The following SENP7 variants were observed in gnomAD, a reference collection of about 807,000 sequenced individuals.
SENP7 encodes the protein SUMO specific peptidase 7, also known as sentrin-specific protease 7.
Under a neutral mutation model 141.2 loss-of-function variants are expected in SENP7, and 64 were observed. That is an observed-to-expected ratio of 0.45 (90% confidence interval 0.37 to 0.56). The LOEUF is 0.56. SENP7 is among the 20% of genes least tolerant of loss of function. SENP7 has a pLI of 0.00. For synonymous variants in SENP7, 382 were observed against 426.4 expected (o/e 0.90, Z 1.28); for missense variants, 1,025 against 1,212.2 (o/e 0.85, Z 2.29).
At chr3:101,352,047 G>T (rs1023557817) in intron 11 of SENP7, among the ~76,000 whole-genome samples, 1 of 151,884 alleles carries the variant, frequency 6.6e-6, no homozygotes, top group African/African-American at 2.4e-5. Context: ...AGCAGCTGAC[G>T]ATGATTCCCT....
intron 7 of SENP7, 51 bp from the exon 8 acceptor site, chr3:101,368,062 C>T: frequency 6.9e-7 from 1 of 1,449,930 alleles, no homozygotes; most frequent in Non-Finnish European, 9.4e-7. Flanking sequence ...TAGAGAGAAT[C>T]TCTTTTAGAA....
intron 11 of SENP7, among the ~76,000 whole-genome samples, chr3:101,356,882 C>T (rs1055135843): frequency 2.6e-5 from 4 of 152,160 alleles, no homozygotes; most frequent in African/African-American, 9.7e-5. Flanking sequence ...GGTACTACAA[C>T]CCCCTTTATA....
intron 1 of SENP7, among the ~76,000 whole-genome samples, chr3:101,512,199 T>C (rs930600776): frequency 1.3e-5 from 2 of 152,186 alleles, no homozygotes; most frequent in Non-Finnish European, 2.9e-5. Flanking sequence ...AAATAATTGA[T>C]TCATTGGGCG....
At chr3:101,497,791 T>C (rs971973707) in intron 2 of SENP7, among the ~76,000 whole-genome samples, 1 of 152,204 alleles carries the variant, frequency 6.6e-6, no homozygotes, top group African/African-American at 2.4e-5. Flanking sequence ...GAGGATCAGC[T>C]CTGCCTTACA....
chr3:101,342,378 T>C (rs747126461), intron 14 of SENP7, among the ~76,000 whole-genome samples: 8 of 152,222 alleles, frequency 5.3e-5, no homozygotes, highest in Non-Finnish European at 1.0e-4. Flanking sequence ...ATATACAAGC[T>C]ACATGTATAT....
chr3:101,393,115 T>C (rs2060861950), intron 6 of SENP7, among the ~76,000 whole-genome samples: 1 of 152,102 alleles, frequency 6.6e-6, no homozygotes, highest in African/African-American at 2.4e-5. Context: ...CTTCAATAAA[T>C]GTTGCTGGAA....
At chr3:101,466,480 T>C (rs1425365298) in intron 3 of SENP7, among the ~76,000 whole-genome samples, 2 of 152,150 alleles carry the variant, frequency 1.3e-5, no homozygotes, top group African/African-American at 2.4e-5. Flanking sequence ...AAAATGTCAG[T>C]CAATAATACC....
At chr3:101,463,400 T>TATATATATATATATATATATATATAC (rs769567759) in intron 3 of SENP7, among the ~76,000 whole-genome samples, 2 of 77,988 alleles carry the variant, frequency 2.6e-5, no homozygotes, top group Admixed American at 1.6e-4. Flanking sequence ...TATATATACA[T>TATATATATATATATATATATATATAC]ATATATATAT....
At chr3:101,494,046 T>G in intron 2 of SENP7, 78 bp from the exon 3 acceptor site, 1 of 668,580 alleles carries the variant, frequency 1.5e-6, no homozygotes. Context: ...ACCACTATAC[T>G]ACCCTGCATC....
chr3:101,328,510 AG>A lies in SENP7; in HGVS notation c.2831del (p.Ala944ValfsTer14). 6 of 1,612,750 alleles carry A rather than the reference AG, an allele frequency of 3.7e-6. No homozygotes were observed. The highest frequency in any genetic ancestry group is 5.1e-6 in the Non-Finnish European group (6 of 1,179,176). ...AATTCTGAACTGTGTTTTGTACAGAAGCAGCTTTCAAGGAGTCTAGTATAAG... is the reference window on the plus strand; with the variant it reads ...AATTCTGAACTGTGTTTTGTACAGAACAGCTTTCAAGGAGTCTAGTATAAG... ...CILILDSLKA[A>X]SVQNTVQNLR... On this transcript the variant is annotated frameshift_variant, in exon 22 of 24. Coordinates refer to ENST00000394095, the MANE Select transcript of SENP7 (RefSeq NM_020654.5). LOFTEE classifies it high-confidence loss of function.
chr3:101,349,001 A>C (rs1051556989), intron 12 of SENP7, among the ~76,000 whole-genome samples: 1 of 152,166 alleles, frequency 6.6e-6, no homozygotes, highest in African/African-American at 2.4e-5. Flanking sequence ...TGAGCTTGTG[A>C]CATTAGTATC....
chr3:101,377,550 T>C (rs1251281446), intron 6 of SENP7, among the ~76,000 whole-genome samples: 3 of 152,184 alleles, frequency 2.0e-5, no homozygotes, highest in African/African-American at 4.8e-5. Flanking sequence ...TCACAGTGAA[T>C]ATCAGAAAAA....
At chr3:101,378,349 A>G (rs948170036) in intron 6 of SENP7, among the ~76,000 whole-genome samples, 1 of 152,090 alleles carries the variant, frequency 6.6e-6, no homozygotes, top group African/African-American at 2.4e-5. Context: ...GTTAGCAGAG[A>G]GAAAGTGTAA....
chr3:101,359,499 T>C (rs572565337), intron 11 of SENP7, among the ~76,000 whole-genome samples: 2 of 151,890 alleles, frequency 1.3e-5, no homozygotes, highest in South Asian at 4.1e-4. Context: ...TCTTGCCTGA[T>C]GGCCCTGGCC....
At chr3:101,384,752 G>T (rs1222231007) in intron 6 of SENP7, among the ~76,000 whole-genome samples, 1 of 152,206 alleles carries the variant, frequency 6.6e-6, no homozygotes, top group Non-Finnish European at 1.5e-5. Context: ...GGCAGAACAA[G>T]CCCAGCAGAC....
intron 1 of SENP7, among the ~76,000 whole-genome samples, chr3:101,502,208 A>C (rs1227359073): frequency 6.6e-6 from 1 of 152,242 alleles, no homozygotes; most frequent in Non-Finnish European, 1.5e-5. Flanking sequence ...CATCTGTGAG[A>C]TATGCCACCT....
At chr3:101,340,500 T>C in intron 15 of SENP7, 1 of 284,894 alleles carries the variant, frequency 3.5e-6, no homozygotes, top group South Asian at 5.8e-5. Context: ...TATCTCACAA[T>C]CAGTTATACC....
At chr3:101,495,415 A>C (rs1357784188) in intron 2 of SENP7, among the ~76,000 whole-genome samples, 1 of 152,220 alleles carries the variant, frequency 6.6e-6, no homozygotes, top group Non-Finnish European at 1.5e-5. Flanking sequence ...TACCCAAAGG[A>C]ATATAAATCA....
chr3:101,396,385 G>A (rs1448028923), intron 6 of SENP7, among the ~76,000 whole-genome samples: 1 of 151,926 alleles, frequency 6.6e-6, no homozygotes, highest in East Asian at 1.9e-4. Flanking sequence ...ACATAAATGT[G>A]CACTGACATC....
Sources: allele counts gnomAD v4.1 joint callset (sites outside exome capture counted in the v4.1 genomes callset), GRCh38; gene constraint gnomAD v4.1.1; transcripts MANE v1.5; gene names NCBI Gene and HGNC (gene_info 2026-07-23, HGNC 2026-07-21).